Variants in PPA2 observed in about 807,000 individuals in gnomAD.
PPA2 encodes the protein inorganic pyrophosphatase 2, mitochondrial.
PPA2 carries 48 observed loss-of-function variants against 49.5 expected under a neutral mutation model. That is an observed-to-expected ratio of 0.97 (90% CI 0.77 to 1.23). The LOEUF (loss-of-function observed/expected upper bound fraction) is 1.23. PPA2 is among the 50% of genes most tolerant of loss of function. The probability of loss-of-function intolerance (pLI) is 0.00; values close to 1 mark genes in which losing one functional copy is unlikely to be tolerated. For missense variants in PPA2, 429 were observed against 410.1 expected, an observed-to-expected ratio of 1.05 and a Z score of -0.40; for synonymous variants, 131 against 139.9, an observed-to-expected ratio of 0.94 and a Z score of 0.45.
intron 4 of PPA2, among the ~76,000 whole-genome samples, chr4:105,447,191 T>C (rs2110302052): frequency 6.6e-6 from 1 of 152,218 alleles, no homozygotes; most frequent in South Asian, 2.1e-4. Context: ...ATATACATAA[T>C]AAAATAGCAC....
intron 10 of PPA2, among the ~76,000 whole-genome samples, chr4:105,375,837 G>A (rs1184545535): frequency 2.0e-5 from 3 of 152,108 alleles, no homozygotes; most frequent in Admixed American, 6.6e-5. Context: ...AGTCCTATCC[G>A]AGAACATGAC....
intron 10 of PPA2, among the ~76,000 whole-genome samples, chr4:105,381,374 C>T (rs138836636): frequency 1.2e-3 from 176 of 151,336 alleles, no homozygotes; most frequent in African/African-American, 4.1e-3. Flanking sequence ...AGTTTTTTTC[C>T]CCTTTACTTA....
In PPA2 at chr4:105,463,146, G is replaced by A. The variant is rs543230445; in HGVS notation, c.158-6401C>T. Among the ~76,000 whole-genome samples, 5 of 152,340 alleles carry A rather than the reference G, an allele frequency of 3.3e-5. No individual in the cohort carries two copies. The South Asian group carries it at 1.0e-3, about 32-fold the overall frequency. The stretch of plus-strand genomic sequence containing the variant: ...ACGTGGGAAAGTCTGGAACTCCCGA[G>A]AGACTTGTTAAGTGGCTTTGACCCA... On this transcript the variant is annotated intron_variant, in intron 1 of 11. Transcript: ENST00000341695.
At chr4:105,406,718 G>C (rs1331334517) in intron 7 of PPA2, among the ~76,000 whole-genome samples, 1 of 152,066 alleles carries the variant, frequency 6.6e-6, no homozygotes, top group Non-Finnish European at 1.5e-5. Context: ...CATTATACTG[G>C]GTTTTGCAAC....
At chr4:105,460,831 C>T (rs1398044605) in intron 1 of PPA2, among the ~76,000 whole-genome samples, 5 of 137,042 alleles carry the variant, frequency 3.6e-5, no homozygotes, top group Non-Finnish European at 7.6e-5. Context: ...TGTGGACAAG[C>T]CCAATACTTA....
intron 5 of PPA2, among the ~76,000 whole-genome samples, chr4:105,443,711 G>A (rs1724479418): frequency 6.6e-6 from 1 of 150,918 alleles, no homozygotes; most frequent in Non-Finnish European, 1.5e-5. Flanking sequence ...ATCTCTAATT[G>A]AAAATGGCAG....
chr4:105,430,158 G>GA (rs1723730871), intron 6 of PPA2, among the ~76,000 whole-genome samples: 2 of 152,092 alleles, frequency 1.3e-5, no homozygotes, highest in Admixed American at 1.3e-4. Context: ...AAGGTATGTA[G>GA]AAAAAAGTCA....
At chr4:105,383,671 T>G (rs1733579072) in intron 10 of PPA2, among the ~76,000 whole-genome samples, 1 of 152,210 alleles carries the variant, frequency 6.6e-6, no homozygotes, top group African/African-American at 2.4e-5. Flanking sequence ...CTTCCATTAC[T>G]GTCTGGCCTT....
chr4:105,421,430 G>C (rs937192143), intron 7 of PPA2, among the ~76,000 whole-genome samples: 1 of 152,052 alleles, frequency 6.6e-6, no homozygotes, highest in Non-Finnish European at 1.5e-5. Context: ...TTATTTCCAT[G>C]TATAAAATTA....
chr4:105,435,686 A>G (rs1255315255), intron 6 of PPA2, among the ~76,000 whole-genome samples: 1 of 152,222 alleles, frequency 6.6e-6, no homozygotes, highest in Non-Finnish European at 1.5e-5. Flanking sequence ...CACCACATAA[A>G]GAAAACTAAG....
At chr4:105,442,540 G>C (rs1278549447) in intron 5 of PPA2, among the ~76,000 whole-genome samples, 1 of 152,106 alleles carries the variant, frequency 6.6e-6, no homozygotes, top group Non-Finnish European at 1.5e-5. Context: ...ATATTTTCCA[G>C]ACAGGTATTC....
intron 6 of PPA2, among the ~76,000 whole-genome samples, chr4:105,428,841 A>G (rs1295116429): frequency 6.6e-6 from 1 of 152,228 alleles, no homozygotes; most frequent in Non-Finnish European, 1.5e-5. Flanking sequence ...ATAAACTGAA[A>G]AAAACTCAAT....
intron 9 of PPA2, among the ~76,000 whole-genome samples, chr4:105,387,963 G>T (rs981603035): frequency 1.3e-5 from 2 of 148,606 alleles, no homozygotes; most frequent in Non-Finnish European, 3.0e-5. Context: ...GATATACAAA[G>T]TACTAATTAC....
chr4:105,401,370 T>A (rs1722181831), intron 7 of PPA2, among the ~76,000 whole-genome samples: 1 of 152,160 alleles, frequency 6.6e-6, no homozygotes, highest in Non-Finnish European at 1.5e-5. Flanking sequence ...CATAGTAACA[T>A]TGCCCAAAAG....
At chr4:105,382,960 G>A (rs1196936332) in intron 10 of PPA2, among the ~76,000 whole-genome samples, 1 of 151,984 alleles carries the variant, frequency 6.6e-6, no homozygotes, top group Non-Finnish European at 1.5e-5. Context: ...GTATGATCAT[G>A]CCACTGCACT....
intron 7 of PPA2, among the ~76,000 whole-genome samples, chr4:105,403,947 G>A (rs1274997070): frequency 2.0e-5 from 3 of 150,730 alleles, no homozygotes; most frequent in Non-Finnish European, 3.0e-5. Flanking sequence ...TTGCACCAGG[G>A]GTGTTTCTAA....
At chr4:105,450,708 C>T (rs1722639206) in intron 3 of PPA2, among the ~76,000 whole-genome samples, 1 of 148,608 alleles carries the variant, frequency 6.7e-6, no homozygotes, top group Admixed American at 6.8e-5. Flanking sequence ...CCCGGGTTCA[C>T]GCCATTCTCC....
At chr4:105,436,974 CTTAA>C (rs1030868081) in intron 6 of PPA2, among the ~76,000 whole-genome samples, 1 of 152,036 alleles carries the variant, frequency 6.6e-6, no homozygotes, top group African/African-American at 2.4e-5. Context: ...ACAAATTTAA[CTTAA>C]TTAAACTAAA....
At chr4:105,416,770 T>C (rs1184105448) in intron 7 of PPA2, among the ~76,000 whole-genome samples, 1 of 152,226 alleles carries the variant, frequency 6.6e-6, no homozygotes, top group Non-Finnish European at 1.5e-5. Flanking sequence ...TTAACATTCA[T>C]GGGCTAATGA....
Sources: gnomAD v4.1 joint callset for allele counts (sites outside exome capture counted in the v4.1 genomes callset) on GRCh38, gnomAD v4.1.1 for gene constraint, MANE v1.5 for transcripts, NCBI Gene and HGNC (gene_info 2026-07-23, HGNC 2026-07-21) for gene names.